The following ARHGEF4 variants were observed in gnomAD, a reference collection of about 807,000 sequenced individuals.
The protein encoded by ARHGEF4 is APC-stimulated guanine nucleotide exchange factor 1.
Under a neutral mutation model 162.0 loss-of-function variants are expected in ARHGEF4, and 119 were observed. That is an observed-to-expected ratio of 0.73 (90% confidence interval 0.63 to 0.86). ARHGEF4 has a LOEUF of 0.86. Ranked by LOEUF, ARHGEF4 falls within the 40% of genes least tolerant of loss-of-function variation. The pLI is 0.00. For synonymous variants in ARHGEF4, 1,014 were observed against 979.9 expected (o/e 1.03, Z -0.65); for missense variants, 2,488 against 2,456.0 (o/e 1.01, Z -0.28).
At position 130,988,872 on chromosome 2, in the gene ARHGEF4, G is replaced by A. The variant is rs199748059; in HGVS notation, c.3986-39073G>A. ...TTTGTGTGTGTGTGTGTGTGTGTGT[G>A]TATATATATATATATATATATATAT... is the stretch of plus-strand genomic sequence containing the variant. On this transcript the variant is annotated intron_variant, in intron 4 of 13. Coordinates refer to ENST00000409359, the MANE Select transcript of ARHGEF4 (RefSeq NM_001367493.1). 5.1e-3 allele frequency among the ~76,000 whole-genome samples: 548 copies of A among 108,462 alleles called. 5 individuals carry two copies. Among genetic ancestry groups the A allele is most frequent in the African/African-American group, 0.017 (451 of 27,228 alleles). The allele number at this position is 108,462 out of a possible 152,430, so 71.2% of individuals were successfully genotyped here.
intron 4 of ARHGEF4, among the ~76,000 whole-genome samples, chr2:130,968,194 T>G (rs1685122984): frequency 6.6e-6 from 1 of 152,212 alleles, no homozygotes; most frequent in Non-Finnish European, 1.5e-5. Flanking sequence ...GTCAGGATAT[T>G]CCTAGGGCTT....
intron 4 of ARHGEF4, among the ~76,000 whole-genome samples, chr2:130,957,063 G>T (rs1212607986): frequency 6.6e-6 from 1 of 152,014 alleles, no homozygotes; most frequent in East Asian, 1.9e-4. Flanking sequence ...AGCCTTTTCA[G>T]GGATTACAGG....
chr2:130,931,310 T>C, intron 3 of ARHGEF4, 53 bp downstream of exon 3: 4 of 1,497,224 alleles, frequency 2.7e-6, no homozygotes, highest in Non-Finnish European at 2.7e-6. Flanking sequence ...TCCCCTTCTC[T>C]CTGCAGCTGC....
intron 4 of ARHGEF4, among the ~76,000 whole-genome samples, chr2:130,998,928 G>A (rs13399132): frequency 0.37 from 56,319 of 151,996 alleles, 12,351 homozygotes; most frequent in African/African-American, 0.61. Context: ...TTGCATTCCC[G>A]CAAGCCATGG....
intron 1 of ARHGEF4, among the ~76,000 whole-genome samples, chr2:130,870,285 G>A (rs1324236778): frequency 2.0e-5 from 3 of 152,228 alleles, no homozygotes; most frequent in Admixed American, 1.3e-4. Flanking sequence ...CGGGAGCAGG[G>A]TAGGCCCTTT....
intron 1 of ARHGEF4, among the ~76,000 whole-genome samples, chr2:130,841,371 C>CT (rs35533760): frequency 0.032 from 4,229 of 133,048 alleles, 135 homozygotes; most frequent in African/African-American, 0.083. Flanking sequence ...GCCTAGAAAG[C>CT]TTTTTTTTTT....
intron 3 of ARHGEF4, among the ~76,000 whole-genome samples, chr2:130,942,089 A>G (rs11692580): frequency 6.6e-6 from 1 of 151,904 alleles, no homozygotes; most frequent in African/African-American, 2.4e-5. Flanking sequence ...GAGATTATAT[A>G]CTAGTTGAGT....
chr2:130,993,772 T>C (rs1045912413), intron 4 of ARHGEF4, among the ~76,000 whole-genome samples: 2 of 152,180 alleles, frequency 1.3e-5, no homozygotes, highest in Non-Finnish European at 2.9e-5. Flanking sequence ...TTGGTTCTTT[T>C]ATTTTTTAAT....
At chr2:130,977,024 TAA>T (rs1311241744) in intron 4 of ARHGEF4, among the ~76,000 whole-genome samples, 1 of 151,282 alleles carries the variant, frequency 6.6e-6, no homozygotes, top group Non-Finnish European at 1.5e-5. Context: ...CAGTGTGTGT[TAA>T]GTGTGAATGG....
At position 131,024,833 on chromosome 2, in the gene ARHGEF4, C is replaced by T. The variant is rs148731122; in HGVS notation, c.3986-3112C>T. Among the ~76,000 whole-genome samples, 492 of 152,272 alleles carry T rather than the reference C, an allele frequency of 3.2e-3. 3 individuals are homozygous for T. Among genetic ancestry groups the T allele is most frequent in the Non-Finnish European group, 5.5e-3 (374 of 68,014 alleles). Reference sequence around the variant, plus strand: ...GGCCACATGTTGAGAACTGTTGAAGCTGGACAATGAATATACAACGTTCCT... The same window carrying T: ...GGCCACATGTTGAGAACTGTTGAAGTTGGACAATGAATATACAACGTTCCT... On this transcript the variant is annotated intron_variant, in intron 4 of 13. Transcript: ENST00000409359.
intron 10 of ARHGEF4, 99 bp from the exon 11 acceptor site, chr2:131,043,353 A>C: frequency 3.3e-6 from 5 of 1,514,484 alleles, no homozygotes; most frequent in African/African-American, 1.4e-5. Context: ...GCTGCAGGCA[A>C]GGCCAGGGGG....
At chr2:130,868,982 C>A (rs1344157182) in intron 1 of ARHGEF4, among the ~76,000 whole-genome samples, 3 of 152,224 alleles carry the variant, frequency 2.0e-5, no homozygotes, top group African/African-American at 7.2e-5. Flanking sequence ...TCGGGACCAC[C>A]TGGATAATCT....
At chr2:130,901,828 G>A (rs570660852) in intron 1 of ARHGEF4, among the ~76,000 whole-genome samples, 4 of 152,202 alleles carry the variant, frequency 2.6e-5, no homozygotes, top group East Asian at 1.9e-4. Flanking sequence ...GCCTGAGTCC[G>A]TGTTCTGAAA....
chr2:130,910,491 C>A (rs972329136), intron 1 of ARHGEF4, among the ~76,000 whole-genome samples: 5 of 152,142 alleles, frequency 3.3e-5, no homozygotes, highest in African/African-American at 1.2e-4. Flanking sequence ...TGTTTATGCA[C>A]CTGCTCACAT....
rs781555878 is a variant in ARHGEF4 at position 130,916,126 on chromosome 2, C to T, written c.2180C>T (p.Pro727Leu). The change falls in exon 2 of 14, where the codon CCG (proline) becomes CTG (leucine). Residue 727 changes from proline (P) to leucine (L), a missense_variant. Pro to Leu is a moderately conservative substitution (Grantham distance 98). Coordinates refer to ENST00000409359, the MANE Select transcript of ARHGEF4 (RefSeq NM_001367493.1). ...LVPQAASEET[P>L]STEEPPGERL... is the part of the protein sequence containing the mutation. ...CCCCAAGCTGCTTCGGAAGAGACGC[C>T]GAGCACAGAGGAGCCCCCGGGAGAG... The T allele has an allele frequency of 1.9e-6, 3 of 1,549,692 alleles. No individual in the cohort carries two copies. Among genetic ancestry groups the T allele is most frequent in the African/African-American group, 1.4e-5 (1 of 73,148 alleles).
intron 2 of ARHGEF4, among the ~76,000 whole-genome samples, chr2:130,928,733 A>C (rs1369520968): frequency 6.6e-6 from 1 of 152,052 alleles, no homozygotes; most frequent in African/African-American, 2.4e-5. Context: ...ATTTTCTTGA[A>C]CTTTCTCATC....
chr2:131,040,198 G>T lies in ARHGEF4; in HGVS notation c.4482+6G>T. On this transcript the variant is annotated splice_donor_region_variant and intron_variant, in intron 7 of 13. Coordinates refer to ENST00000409359, the MANE Select transcript of ARHGEF4 (RefSeq NM_001367493.1). ...ACCTGCGCGACATCTGCGAGGTGAG[G>T]CCCGGCCGGCGGGCGGTGACTGGGG... 6.2e-7 allele frequency: 1 copy of T among 1,609,184 alleles called. No homozygotes were observed. Among genetic ancestry groups the T allele is most frequent in the Non-Finnish European group, 8.5e-7 (1 of 1,177,050 alleles).
At chr2:131,002,998 C>G (rs1327327224) in intron 4 of ARHGEF4, among the ~76,000 whole-genome samples, 2 of 152,148 alleles carry the variant, frequency 1.3e-5, no homozygotes, top group Non-Finnish European at 2.9e-5. Flanking sequence ...GATATTTTTG[C>G]ACCCCAACTT....
intron 1 of ARHGEF4, among the ~76,000 whole-genome samples, chr2:130,846,288 T>G (rs1454086778): frequency 6.6e-6 from 1 of 152,190 alleles, no homozygotes; most frequent in East Asian, 1.9e-4. Context: ...CTGGGAACTG[T>G]CAGCCTGGGG....
Sources: gnomAD v4.1 joint callset for allele counts (sites outside exome capture counted in the v4.1 genomes callset) on GRCh38, gnomAD v4.1.1 for gene constraint, MANE v1.5 for transcripts, NCBI Gene and HGNC (gene_info 2026-07-23, HGNC 2026-07-21) for gene names.